The following MAEL variants were observed in gnomAD, a reference collection of about 807,000 sequenced individuals.
MAEL encodes the protein protein maelstrom homolog.
A neutral mutation model predicts 62.0 loss-of-function variants in MAEL; 46 were observed. The observed-to-expected ratio is 0.74, with a 90% CI of 0.59 to 0.95. The LOEUF is 0.95. Among genes scored for constraint, MAEL ranks in the 40% least tolerant of loss-of-function variants. The probability of loss-of-function intolerance (pLI) is 0.00; values close to 1 mark genes in which losing one functional copy is unlikely to be tolerated. For missense variants in MAEL, 497 were observed against 526.8 expected (o/e 0.94, Z 0.55); for synonymous variants, 172 against 175.5 (o/e 0.98, Z 0.16).
chr1:167,011,040 C>G (rs1290869838), intron 8 of MAEL, among the ~76,000 whole-genome samples: 1 of 152,042 alleles, frequency 6.6e-6, no homozygotes, highest in East Asian at 1.9e-4. Flanking sequence ...GGCCCTTCCC[C>G]CTTCCTCTTT....
rs1337684475 is a variant in MAEL at position 167,021,955 on chromosome 1, T to C, written c.*100T>C. 1.4e-6 allele frequency: 1 copy of C among 715,076 alleles called. No individual in the cohort carries two copies. Among genetic ancestry groups the C allele is most frequent in the African/African-American group, 1.8e-5 (1 of 54,872 alleles). The allele number at this position is 715,076 out of a possible 1,614,324, so 44.3% of individuals were successfully genotyped here. A position where few individuals can be genotyped will look rare whatever the true frequency, so the allele number is the denominator to read the frequency against. On this transcript the variant is annotated 3_prime_UTR_variant, in exon 12 of 12. Coordinates refer to ENST00000367872, the MANE Select transcript of MAEL (RefSeq NM_032858.3). ...TCACATCAATGACAAATGTCACTAC[T>C]ATAAAAACTACTTAATTTGTAAGGA...
intron 10 of MAEL, among the ~76,000 whole-genome samples, chr1:167,019,088 A>C (rs142087803): frequency 4.9e-4 from 75 of 152,276 alleles, no homozygotes; most frequent in South Asian, 1.9e-3. Context: ...CCTTTTGCCC[A>C]GTGGTTCTCG....
intron 5 of MAEL, 25 bp downstream of exon 5, chr1:166,994,094 A>G (rs757495827): frequency 6.2e-7 from 1 of 1,604,242 alleles, no homozygotes; most frequent in Non-Finnish European, 8.5e-7. Flanking sequence ...ATGGGGTAGG[A>G]TTTGTGACTT....
intron 5 of MAEL, among the ~76,000 whole-genome samples, chr1:167,000,493 C>T (rs1371223070): frequency 6.6e-6 from 1 of 152,200 alleles, no homozygotes; most frequent in African/African-American, 2.4e-5. Flanking sequence ...ATGGAACCTA[C>T]TCCTAGTGAA....
chr1:167,015,516 A>G (rs1665353307), intron 8 of MAEL, among the ~76,000 whole-genome samples: 1 of 152,186 alleles, frequency 6.6e-6, no homozygotes, highest in Admixed American at 6.5e-5. Context: ...GAGTCTTAAT[A>G]GACTGTGTAC....
In MAEL at chr1:167,021,677, C is replaced by T; in HGVS notation, c.1127C>T (p.Pro376Leu). 1 of 1,602,628 alleles carries T rather than the reference C, an allele frequency of 6.2e-7. No individual in the cohort carries two copies. The highest frequency in any genetic ancestry group is 8.5e-7 in the Non-Finnish European group (1 of 1,176,048). Residue 376 changes from proline to leucine, a missense_variant, in exon 12 of 12, where the codon CCA (proline) becomes CTA (leucine). Physicochemically the swap from Pro to Leu is moderately conservative, Grantham distance 98. Transcript: ENST00000367872. ...ATTTTCAATATCCTAGGTGACTACCCATCTAGGGCAAAAATTTCTGGCCAA... is the reference window on the plus strand; with the variant it reads ...ATTTTCAATATCCTAGGTGACTACCTATCTAGGGCAAAAATTTCTGGCCAA... ...QRSNTPIGDY[P>L]SRAKISGQNS...
At chr1:166,998,202 C>A (rs1477709983) in intron 5 of MAEL, among the ~76,000 whole-genome samples, 1 of 152,098 alleles carries the variant, frequency 6.6e-6, no homozygotes, top group Non-Finnish European at 1.5e-5. Context: ...TACATTAGGT[C>A]ATTTTGGAGA....
At chr1:167,017,560 A>G (rs1427663494) in intron 9 of MAEL, among the ~76,000 whole-genome samples, 1 of 152,156 alleles carries the variant, frequency 6.6e-6, no homozygotes, top group African/African-American at 2.4e-5. Flanking sequence ...ACATTTGGGA[A>G]TCCTGGTAAT....
rs1320121751 is a variant in MAEL at position 166,989,497 on chromosome 1, C to T, written c.132+13C>T. ...CTCAGACTGGGCGGTAAGGCTGGAG[C>T]GGAGTGAGAGGGCTGGGCAGGGCAG... On this transcript the variant is annotated intron_variant, in intron 1 of 11. Coordinates refer to ENST00000367872, the MANE Select transcript of MAEL (RefSeq NM_032858.3). 4.4e-6 allele frequency: 7 copies of T among 1,579,956 alleles called. No homozygotes were observed. Among genetic ancestry groups the T allele is most frequent in the South Asian group, 2.3e-5 (2 of 86,314 alleles).
chr1:166,991,637 TTTG>T (rs1326296063), intron 3 of MAEL, among the ~76,000 whole-genome samples, 160 bp downstream of exon 3: 4 of 152,052 alleles, frequency 2.6e-5, no homozygotes, highest in African/African-American at 7.3e-5. Flanking sequence ...GATTAGGTAA[TTTG>T]TTGAAATAAA....
At chr1:166,977,624 G>A (rs1019865287) in intron 1 of MAEL, among the ~76,000 whole-genome samples, 6 of 152,206 alleles carry the variant, frequency 3.9e-5, no homozygotes, top group Admixed American at 1.3e-4. Context: ...GTGCACAAAA[G>A]AGCTTGAATA....
At chr1:166,981,150 G>T (rs894672230) in intron 1 of MAEL, among the ~76,000 whole-genome samples, 2 of 152,160 alleles carry the variant, frequency 1.3e-5, no homozygotes, top group Admixed American at 1.3e-4. Context: ...GAAAACAGCA[G>T]CCCTGACCTT....
chr1:166,999,475 T>C (rs979337703), intron 5 of MAEL, among the ~76,000 whole-genome samples: 6 of 152,222 alleles, frequency 3.9e-5, no homozygotes, highest in Non-Finnish European at 8.8e-5. Flanking sequence ...GTGAGGAAGC[T>C]GCAGAATAAA....
chr1:167,011,387 T>G (rs114064724), intron 8 of MAEL, among the ~76,000 whole-genome samples: 85 of 152,306 alleles, frequency 5.6e-4, no homozygotes, highest in Non-Finnish European at 9.8e-4. Context: ...AGCTTATGGA[T>G]GATGTGTTAA....
At chr1:167,002,113 T>C (rs542870701) in intron 5 of MAEL, among the ~76,000 whole-genome samples, 1 of 152,286 alleles carries the variant, frequency 6.6e-6, no homozygotes, top group East Asian at 1.9e-4. Flanking sequence ...AAACGAACCT[T>C]GTCTTCCAGG....
chr1:166,991,791 G>A (rs546865315), intron 3 of MAEL, among the ~76,000 whole-genome samples: 1 of 152,046 alleles, frequency 6.6e-6, no homozygotes, highest in African/African-American at 2.4e-5. Flanking sequence ...GTAAACAGGT[G>A]GAAGAACGTT....
intron 8 of MAEL, 78 bp downstream of exon 8, chr1:167,005,475 CT>C: frequency 1.6e-6 from 2 of 1,261,730 alleles, no homozygotes; most frequent in Non-Finnish European, 1.1e-6. Flanking sequence ...CTATTTTTGC[CT>C]TTTTATGCAA....
chr1:166,985,341 G>T (rs917367452), upstream of MAEL, among the ~76,000 whole-genome samples: 2 of 152,146 alleles, frequency 1.3e-5, no homozygotes, highest in Non-Finnish European at 2.9e-5. Context: ...AAAGGCTCTG[G>T]AGATATGGTA....
At chr1:166,996,757 C>G (rs758503484) in intron 5 of MAEL, among the ~76,000 whole-genome samples, 1 of 152,162 alleles carries the variant, frequency 6.6e-6, no homozygotes, top group East Asian at 1.9e-4. Flanking sequence ...TTTAATTTTA[C>G]TTGTTTCAAC....
Sources: gnomAD v4.1 joint callset for allele counts (sites outside exome capture counted in the v4.1 genomes callset) on GRCh38, gnomAD v4.1.1 for gene constraint, MANE v1.5 for transcripts, NCBI Gene and HGNC (gene_info 2026-07-23, HGNC 2026-07-21) for gene names.